CAST: variants seen among roughly 807,000 people sequenced by gnomAD.
The protein encoded by CAST is calpastatin.
A neutral mutation model predicts 119.6 loss-of-function variants in CAST; 76 were observed. The ratio of observed to expected loss-of-function variants is 0.64; its 90% CI spans 0.53 to 0.77. CAST has a LOEUF of 0.77. CAST is among the 30% of genes least tolerant of loss of function. CAST has a pLI of 0.00. For missense variants in CAST, 953 were observed against 946.5 expected (o/e 1.01, Z -0.09); for synonymous variants, 319 against 331.6 (o/e 0.96, Z 0.41).
chr5:96,361,352 C>T, the CAST span, among the ~76,000 whole-genome samples: 1 of 152,084 alleles, frequency 6.6e-6, no homozygotes, highest in Non-Finnish European at 1.5e-5. Context: ...TTCTGTTTCG[C>T]TGGCATTCCA....
chr5:95,973,522 G>A, the CAST span: 2 of 152,176 alleles, frequency 1.3e-5, no homozygotes, highest in African/African-American at 4.8e-5. Context: ...TGTATAAGGT[G>A]TGAGATACGT....
the CAST span, among the ~76,000 whole-genome samples, chr5:96,162,665 G>T: frequency 2.0e-5 from 3 of 152,024 alleles, no homozygotes; most frequent in Non-Finnish European, 2.9e-5. Context: ...TAATCCATCC[G>T]CCTCAGCTTC....
At chr5:96,187,031 G>A in the CAST span, among the ~76,000 whole-genome samples, 4 of 152,156 alleles carry the variant, frequency 2.6e-5, no homozygotes, top group South Asian at 4.1e-4. Context: ...TTCAGAACTC[G>A]TTATTGGTCA....
At chr5:96,447,276 G>T in the CAST span, among the ~76,000 whole-genome samples, 2 of 152,240 alleles carry the variant, frequency 1.3e-5, no homozygotes, top group African/African-American at 2.4e-5. Context: ...CTTGGATGTG[G>T]CTGAGAGAGC....
At chr5:96,461,529 C>T in the CAST span, among the ~76,000 whole-genome samples, 1 of 151,988 alleles carries the variant, frequency 6.6e-6, no homozygotes, top group Non-Finnish European at 1.5e-5. Flanking sequence ...GGTCATTGCC[C>T]ATCTTTTTAA....
the CAST span, among the ~76,000 whole-genome samples, chr5:96,009,161 C>T: frequency 1.3e-5 from 2 of 152,156 alleles, no homozygotes; most frequent in Admixed American, 6.5e-5. Context: ...TTTATGGCTG[C>T]GTAGTATTCC....
intron 1 of CAST, among the ~76,000 whole-genome samples, chr5:96,616,353 C>A (rs1407441413): frequency 6.6e-6 from 1 of 152,150 alleles, no homozygotes; most frequent in Non-Finnish European, 1.5e-5. Context: ...TCCCTTAACC[C>A]TTCTCCAGCC....
rs137929260 is a variant in CAST at position 96,626,727 on chromosome 5, C to T, written c.61-48812C>T. Among the ~76,000 whole-genome samples the T allele has an allele frequency of 6.8e-4, 103 of 152,288 alleles. 2 individuals are homozygous for T. In the East Asian group the frequency reaches 0.019, roughly 29 times the overall value. On this transcript the variant is annotated intron_variant, in intron 1 of 11. Transcript: ENST00000505143. Reference sequence around the variant, plus strand: ...TAATTTTCTTCATGACAGTTTTTCTCCAATGCTATCTAGATTGCTGTTCTC... The same window carrying T: ...TAATTTTCTTCATGACAGTTTTTCTTCAATGCTATCTAGATTGCTGTTCTC...
chr5:96,620,479 T>C (rs1747582606), intron 1 of CAST, among the ~76,000 whole-genome samples: 1 of 152,138 alleles, frequency 6.6e-6, no homozygotes, highest in Admixed American at 6.5e-5. Context: ...GAATCAGCCA[T>C]GATATCATGA....
At chr5:96,504,524 CTTTT>C in the CAST span, among the ~76,000 whole-genome samples, 96 of 146,760 alleles carry the variant, frequency 6.5e-4, 1 homozygote, top group South Asian at 2.6e-3. Context: ...GCTTAGAATA[CTTTT>C]TTTTTTTTTT....
chr5:96,514,220 A>T, the CAST span, among the ~76,000 whole-genome samples: 4 of 152,166 alleles, frequency 2.6e-5, no homozygotes, highest in African/African-American at 7.2e-5. Flanking sequence ...AATTGCTATC[A>T]GTTAGTTTAA....
the CAST span, among the ~76,000 whole-genome samples, chr5:96,003,183 T>C: frequency 6.6e-6 from 1 of 152,046 alleles, no homozygotes; most frequent in Non-Finnish European, 1.5e-5. Context: ...AAGGCTGCAG[T>C]GAGCCATGAT....
chr5:96,046,905 C>G, the CAST span, among the ~76,000 whole-genome samples: 4 of 152,116 alleles, frequency 2.6e-5, no homozygotes, highest in East Asian at 7.7e-4. Flanking sequence ...GAAACTTATT[C>G]ATTATCACGA....
At chr5:96,533,954 C>A (rs1431707421) in intron 1 of CAST, among the ~76,000 whole-genome samples, 1 of 152,134 alleles carries the variant, frequency 6.6e-6, no homozygotes, top group Non-Finnish European at 1.5e-5. Flanking sequence ...TTTTAGCAGA[C>A]ATTTCCTAAA....
chr5:96,713,132 T>A (rs934877305), intron 3 of CAST, among the ~76,000 whole-genome samples: 1 of 121,350 alleles, frequency 8.2e-6, no homozygotes, highest in Non-Finnish European at 1.9e-5. Flanking sequence ...TCAGAATTTC[T>A]CTTTTTTTTT....
the CAST span, among the ~76,000 whole-genome samples, chr5:96,254,808 G>T: frequency 6.6e-6 from 1 of 151,746 alleles, no homozygotes. Flanking sequence ...GAAGATTGAG[G>T]GTTTTAAAAA....
At chr5:96,505,145 G>A in the CAST span, among the ~76,000 whole-genome samples, 1 of 152,172 alleles carries the variant, frequency 6.6e-6, no homozygotes, top group Non-Finnish European at 1.5e-5. Flanking sequence ...GGATCAAATG[G>A]TTAGCATGTG....
At chr5:96,726,232 GTACT>G (rs147371995) in intron 4 of CAST, among the ~76,000 whole-genome samples, 2,596 of 152,234 alleles carry the variant, frequency 0.017, 54 homozygotes, top group African/African-American at 0.059. Context: ...ATGCATGCAT[GTACT>G]TACTTGTTTT....
chr5:96,363,051 A>G, the CAST span, among the ~76,000 whole-genome samples: 15 of 149,064 alleles, frequency 1.0e-4, no homozygotes, highest in Non-Finnish European at 1.9e-4. Context: ...CTTTCTACAT[A>G]TGGCTAGCCA....
Sources: gnomAD v4.1 joint callset for allele counts (sites outside exome capture counted in the v4.1 genomes callset) on GRCh38, gnomAD v4.1.1 for gene constraint, MANE v1.5 for transcripts, NCBI Gene and HGNC (gene_info 2026-07-23, HGNC 2026-07-21) for gene names.